Variants in SASH1 observed in about 807,000 individuals in gnomAD.
SASH1 encodes the protein SAM and SH3 domain-containing protein 1.
Under a neutral mutation model 125.2 loss-of-function variants are expected in SASH1, and 44 were observed. The ratio of observed to expected loss-of-function variants is 0.35; its 90% CI spans 0.28 to 0.45. The LOEUF (loss-of-function observed/expected upper bound fraction) is 0.45. Among genes scored for constraint, SASH1 ranks in the 20% least tolerant of loss-of-function variants. The pLI, the probability that SASH1 is intolerant of heterozygous loss-of-function variation, is 1.00. For synonymous variants in SASH1, 639 were observed against 649.1 expected (o/e 0.98, Z 0.24); for missense variants, 1,426 against 1,614.5 (o/e 0.88, Z 2.00).
chr6:148,430,950 T>C (rs1776036293), intron 2 of SASH1, among the ~76,000 whole-genome samples: 1 of 152,216 alleles, frequency 6.6e-6, no homozygotes, highest in Non-Finnish European at 1.5e-5. Flanking sequence ...TTGCCGTTTG[T>C]TGCCATTGGA....
the SASH1 span, among the ~76,000 whole-genome samples, chr6:148,229,000 G>T: frequency 6.6e-6 from 1 of 151,876 alleles, no homozygotes; most frequent in Non-Finnish European, 1.5e-5. Context: ...TGGGCAACAT[G>T]GTGCATACCT....
chr6:148,350,087 CA>C, intron 1 of SASH1, among the ~76,000 whole-genome samples: 1 of 152,118 alleles, frequency 6.6e-6, no homozygotes, highest in East Asian at 2.0e-4. Flanking sequence ...CCTCGTGATC[CA>C]CTCACCTCGG....
At position 148,513,313 on chromosome 6, in the gene SASH1, G is replaced by A. The variant is rs547372718; in HGVS notation, c.730-1011G>A. ...GAAGGTTGTTGTCAGGGCGTGCGACGTGAGCTGGAATTGCTCACCCACTGC... is the reference window on the plus strand; with the variant it reads ...GAAGGTTGTTGTCAGGGCGTGCGACATGAGCTGGAATTGCTCACCCACTGC... On this transcript the variant is annotated intron_variant, in intron 8 of 19. Coordinates refer to ENST00000367467, the MANE Select transcript of SASH1 (RefSeq NM_015278.5). 39 of 985,476 alleles carry A rather than the reference G, an allele frequency of 4.0e-5. No individual in the cohort carries two copies. The South Asian group carries it at 5.2e-4, about 13-fold the overall frequency. 61.0% of individuals were successfully genotyped at this position (985,476 alleles called of 1,614,324 possible).
chr6:148,537,463 A>C (rs1205332511), intron 16 of SASH1, among the ~76,000 whole-genome samples: 1 of 152,242 alleles, frequency 6.6e-6, no homozygotes, highest in Admixed American at 6.5e-5. Flanking sequence ...TTACTGTCTT[A>C]GCCATTTCTA....
the SASH1 span, among the ~76,000 whole-genome samples, chr6:148,250,115 TC>T: frequency 6.6e-6 from 1 of 152,144 alleles, no homozygotes; most frequent in Non-Finnish European, 1.5e-5. Context: ...GCATTGCCAG[TC>T]ACTTACAGTC....
intron 2 of SASH1, among the ~76,000 whole-genome samples, chr6:148,436,322 C>T (rs937615606): frequency 6.6e-6 from 1 of 151,816 alleles, no homozygotes; most frequent in African/African-American, 2.4e-5. Context: ...GAAACCCCAT[C>T]TCTACACAAA....
At chr6:148,535,992 T>A (rs1225689301) in intron 16 of SASH1, among the ~76,000 whole-genome samples, 2 of 152,198 alleles carry the variant, frequency 1.3e-5, no homozygotes, top group African/African-American at 4.8e-5. Context: ...CTAAATGAAC[T>A]GGTAAGCTAG....
chr6:148,329,230 T>C (rs9403943), intron 1 of SASH1, among the ~76,000 whole-genome samples: 15,455 of 152,284 alleles, frequency 0.1, 978 homozygotes, highest in Middle Eastern at 0.18. Context: ...TTATAAGGCA[T>C]AGGAAAAAAA....
At chr6:148,380,856 C>T (rs1420330642) in intron 1 of SASH1, among the ~76,000 whole-genome samples, 1 of 152,212 alleles carries the variant, frequency 6.6e-6, no homozygotes, top group East Asian at 1.9e-4. Context: ...AACCGTATGA[C>T]TGCATTAAAA....
chr6:148,447,333 A>C (rs537097462), intron 4 of SASH1, among the ~76,000 whole-genome samples: 5 of 152,340 alleles, frequency 3.3e-5, no homozygotes, highest in Admixed American at 3.3e-4. Context: ...TGGTGAAATA[A>C]AGAGGATCGA....
the SASH1 span, among the ~76,000 whole-genome samples, chr6:148,250,693 A>AT: frequency 3.3e-5 from 5 of 152,270 alleles, no homozygotes; most frequent in African/African-American, 1.2e-4. Flanking sequence ...TTATTTCTAT[A>AT]GTATTGATAG....
intron 10 of SASH1, among the ~76,000 whole-genome samples, chr6:148,521,483 G>T (rs1212955585): frequency 6.6e-6 from 1 of 152,220 alleles, no homozygotes; most frequent in Non-Finnish European, 1.5e-5. Context: ...TGTTGTAAAA[G>T]AATCCTTAGG....
chr6:148,304,446 G>T (rs867948258), intron 1 of SASH1, among the ~76,000 whole-genome samples: 1 of 89,732 alleles, frequency 1.1e-5, no homozygotes. Context: ...AAAAAAAAAA[G>T]AAAAGAAAAA....
chr6:148,235,543 C>T, the SASH1 span, among the ~76,000 whole-genome samples: 3 of 151,206 alleles, frequency 2.0e-5, no homozygotes, highest in African/African-American at 4.8e-5. Context: ...TTTTACATGT[C>T]TAAATTATAC....
Position 148,529,693 on chromosome 6 carries a change from T to C in SASH1, c.1429-1833T>C, listed in dbSNP as rs1781394342. ...TATAGCAATCTTATGTGCTTAGTTC[T>C]GTTTTTTTAAAGCAGCCATTTCACA... is the stretch of plus-strand genomic sequence containing the variant. On this transcript the variant is annotated intron_variant, in intron 12 of 19. Transcript: ENST00000367467. The surrounding 1 kb of genome is among the most constrained non-coding windows in gnomAD (Gnocchi z 4.2). Among the ~76,000 whole-genome samples the C allele has an allele frequency of 6.6e-6, 1 of 152,254 alleles. No individual in the cohort carries two copies. The highest frequency in any genetic ancestry group is 2.1e-4 in the South Asian group (1 of 4,838).
chr6:148,486,336 G>A (rs1778840706), intron 7 of SASH1, among the ~76,000 whole-genome samples: 1 of 152,214 alleles, frequency 6.6e-6, no homozygotes, highest in South Asian at 2.1e-4. Context: ...GGCCAGGCTG[G>A]TCTCGAACTC....
At chr6:148,310,424 GAA>G (rs5880770) in intron 1 of SASH1, among the ~76,000 whole-genome samples, 10,758 of 141,164 alleles carry the variant, frequency 0.076, 551 homozygotes, top group East Asian at 0.28. Flanking sequence ...ATCCATATGT[GAA>G]AAAAAAAAAA....
intron 1 of SASH1, among the ~76,000 whole-genome samples, chr6:148,378,207 A>C (rs1410586481): frequency 6.6e-6 from 1 of 151,706 alleles, no homozygotes. Context: ...ATGCGCCACC[A>C]TGCCTGGCTA....
At chr6:148,339,005 A>T (rs1257662534), upstream of SASH1, among the ~76,000 whole-genome samples, 18 of 20,914 alleles carry the variant, frequency 8.6e-4, no homozygotes, top group South Asian at 3.4e-3. Flanking sequence ...CTCTGTCTTT[A>T]AAAAAAAAAA....
Sources: allele counts gnomAD v4.1 joint callset (sites outside exome capture counted in the v4.1 genomes callset), GRCh38; gene constraint gnomAD v4.1.1; non-coding constraint Gnocchi (gnomAD v3.1); transcripts MANE v1.5; gene names NCBI Gene and HGNC (gene_info 2026-07-23, HGNC 2026-07-21).